KHDRBS2: variants seen among roughly 807,000 people sequenced by gnomAD.
The protein encoded by KHDRBS2 is KH RNA binding domain containing, signal transduction associated 2, also known as KH domain-containing, RNA-binding, signal transduction-associated protein 2.
In KHDRBS2, 26 loss-of-function variants were observed where a neutral mutation model predicts 44.3. The observed-to-expected ratio is 0.59, with a 90% CI of 0.43 to 0.81. KHDRBS2 has a LOEUF of 0.81. KHDRBS2 is among the 40% of genes least tolerant of loss of function. The pLI, the probability that KHDRBS2 is intolerant of heterozygous loss-of-function variation, is 0.00. For synonymous variants in KHDRBS2, 194 were observed against 151.1 expected, an observed-to-expected ratio of 1.28 and a Z score of -2.08; for missense variants, 476 against 433.1, an observed-to-expected ratio of 1.10 and a Z score of -0.88.
chr6:61,881,445 A>C (rs180679108), intron 6 of KHDRBS2, among the ~76,000 whole-genome samples: 82 of 152,044 alleles, frequency 5.4e-4, no homozygotes, highest in African/African-American at 1.9e-3. Flanking sequence ...TTCTAGAGAG[A>C]GGTAGTGAGG....
the KHDRBS2 span, among the ~76,000 whole-genome samples, chr6:61,555,392 T>C: frequency 6.6e-6 from 1 of 152,194 alleles, no homozygotes; most frequent in African/African-American, 2.4e-5. Context: ...GACCATTTCA[T>C]CTTTCATCTT....
At chr6:61,594,783 AAAGT>A in the KHDRBS2 span, among the ~76,000 whole-genome samples, 2 of 152,136 alleles carry the variant, frequency 1.3e-5, no homozygotes, top group African/African-American at 4.8e-5. Context: ...GTAACATCCC[AAAGT>A]AAGTTTGAGG....
At chr6:61,692,031 TA>T (rs1767433382) in intron 8 of KHDRBS2, among the ~76,000 whole-genome samples, 7 of 152,164 alleles carry the variant, frequency 4.6e-5, no homozygotes, top group Admixed American at 4.6e-4. Context: ...TTTTAATAAA[TA>T]GCTCTTTTCT....
the KHDRBS2 span, among the ~76,000 whole-genome samples, chr6:61,604,803 G>A: frequency 7.2e-5 from 11 of 152,158 alleles, no homozygotes; most frequent in African/African-American, 1.7e-4. Context: ...TTCACTGGAT[G>A]TGTAGAGGCC....
chr6:62,214,083 C>G (rs1829580200), intron 1 of KHDRBS2, among the ~76,000 whole-genome samples: 1 of 152,020 alleles, frequency 6.6e-6, no homozygotes, highest in Non-Finnish European at 1.5e-5. Context: ...TCTTCTATCT[C>G]TTGCAGGTCT....
the KHDRBS2 span, among the ~76,000 whole-genome samples, chr6:61,631,347 GTGTGTT>G: frequency 1.6e-5 from 2 of 126,962 alleles, no homozygotes; most frequent in African/African-American, 5.7e-5. Context: ...AGACAATACA[GTGTGTT>G]ACATTTTCTG....
rs1294476574 is a variant in KHDRBS2 at position 61,712,373 on chromosome 6, T to C, written c.894-15120A>G. Among the ~76,000 whole-genome samples the C allele has an allele frequency of 3.3e-5, 5 of 151,908 alleles. No individual in the cohort carries two copies. In the East Asian group the frequency reaches 9.7e-4, roughly 30 times the overall value. ...TTTTCTTCTTTAAGCAAGGCTGACATGTGGATGCAAAAACAACCTAGATTC... is the reference window on the plus strand; with the variant it reads ...TTTTCTTCTTTAAGCAAGGCTGACACGTGGATGCAAAAACAACCTAGATTC... On this transcript the variant is annotated intron_variant, in intron 7 of 8. Transcript: ENST00000281156.
At chr6:61,778,222 G>C (rs1487046957) in intron 6 of KHDRBS2, among the ~76,000 whole-genome samples, 1 of 152,178 alleles carries the variant, frequency 6.6e-6, no homozygotes, top group Non-Finnish European at 1.5e-5. Context: ...CAAGAGTCAT[G>C]AGGATTCGTT....
At chr6:61,891,979 CA>C (rs1801926490) in intron 6 of KHDRBS2, among the ~76,000 whole-genome samples, 1 of 152,164 alleles carries the variant, frequency 6.6e-6, no homozygotes, top group Admixed American at 6.5e-5. Context: ...TTGCAGATGA[CA>C]TGATTGTATA....
intron 7 of KHDRBS2, among the ~76,000 whole-genome samples, chr6:61,723,467 T>A (rs1773035436): frequency 6.6e-6 from 1 of 151,916 alleles, no homozygotes; most frequent in African/African-American, 2.4e-5. Flanking sequence ...GTAAAACAAT[T>A]GCAAAGAAGC....
intron 4 of KHDRBS2, among the ~76,000 whole-genome samples, chr6:61,936,233 C>T (rs969693289): frequency 3.9e-5 from 6 of 151,978 alleles, no homozygotes; most frequent in Non-Finnish European, 8.8e-5. Context: ...CTAGATTGAT[C>T]ACATTTTCTT....
chr6:61,561,456 G>A, the KHDRBS2 span, among the ~76,000 whole-genome samples: 1 of 152,144 alleles, frequency 6.6e-6, no homozygotes, highest in African/African-American at 2.4e-5. Flanking sequence ...TGGGCCACAG[G>A]CAAGTTCAGA....
chr6:61,682,876 A>C (rs1382589548), intron 8 of KHDRBS2, among the ~76,000 whole-genome samples: 1 of 151,894 alleles, frequency 6.6e-6, no homozygotes, highest in Non-Finnish European at 1.5e-5. Flanking sequence ...AAACACATTC[A>C]GTGTGTGCAA....
Position 62,003,760 on chromosome 6 carries a change from T to A in KHDRBS2, c.337-25548A>T, listed in dbSNP as rs142264069. On this transcript the variant is annotated intron_variant, in intron 3 of 8. Transcript: ENST00000281156. ...ACTTATTCCAAAATGGACCACACAG[T>A]TGGAAGTAAAGCACTCCTCAGCAAA... Among the ~76,000 whole-genome samples, 203 of 152,250 alleles carry A rather than the reference T, an allele frequency of 1.3e-3. 1 individual carries two copies. Among genetic ancestry groups the A allele is most frequent in the African/African-American group, 4.6e-3 (193 of 41,554 alleles).
At chr6:61,939,160 T>C (rs1194909682) in intron 4 of KHDRBS2, among the ~76,000 whole-genome samples, 2 of 152,170 alleles carry the variant, frequency 1.3e-5, no homozygotes, top group African/African-American at 4.8e-5. Flanking sequence ...TTAATTATGC[T>C]GAAGTTGTGA....
chr6:62,130,377 C>T (rs1025302696), intron 2 of KHDRBS2, among the ~76,000 whole-genome samples: 6 of 152,014 alleles, frequency 3.9e-5, no homozygotes, highest in African/African-American at 9.7e-5. Context: ...ATACCTATGC[C>T]GCTGAACTAA....
At chr6:62,038,253 C>T (rs567152054) in intron 3 of KHDRBS2, among the ~76,000 whole-genome samples, 2 of 151,954 alleles carry the variant, frequency 1.3e-5, no homozygotes, top group Admixed American at 1.3e-4. Context: ...TTGGTGAACC[C>T]ATACACCCAG....
At chr6:62,052,164 T>C (rs1789217074) in intron 2 of KHDRBS2, among the ~76,000 whole-genome samples, 1 of 152,026 alleles carries the variant, frequency 6.6e-6, no homozygotes, top group Non-Finnish European at 1.5e-5. Context: ...AAAAATCACC[T>C]TGTAAAGATA....
intron 4 of KHDRBS2, among the ~76,000 whole-genome samples, chr6:61,914,382 A>C (rs1259213139): frequency 6.6e-6 from 1 of 151,988 alleles, no homozygotes; most frequent in East Asian, 1.9e-4. Flanking sequence ...TAGGGAAGCA[A>C]ATCATTCTTA....
Sources: gnomAD v4.1 joint callset for allele counts (sites outside exome capture counted in the v4.1 genomes callset) on GRCh38, gnomAD v4.1.1 for gene constraint, MANE v1.5 for transcripts, NCBI Gene and HGNC (gene_info 2026-07-23, HGNC 2026-07-21) for gene names.